Variants in ZC3H13 observed in about 807,000 individuals in gnomAD.
The protein encoded by ZC3H13 is zinc finger CCCH-type containing 13, also known as zinc finger CCCH domain-containing protein 13.
ZC3H13 carries 64 observed loss-of-function variants against 204.1 expected under a neutral mutation model. That is an observed-to-expected ratio of 0.31 (90% CI 0.26 to 0.39). The LOEUF is 0.39. ZC3H13 is among the 10% of genes least tolerant of loss of function. The probability of loss-of-function intolerance (pLI) is 1.00; values close to 1 mark genes in which losing one functional copy is unlikely to be tolerated. For synonymous variants in ZC3H13, 667 were observed against 693.7 expected, an observed-to-expected ratio of 0.96 and a Z score of 0.60; for missense variants, 1,833 against 2,082.7, an observed-to-expected ratio of 0.88 and a Z score of 2.33.
At chr13:45,967,286 A>AT (rs1185622028) in intron 15 of ZC3H13, among the ~76,000 whole-genome samples, 4 of 152,140 alleles carry the variant, frequency 2.6e-5, no homozygotes, top group Admixed American at 2.6e-4. Context: ...TGTGAACCAA[A>AT]TCTGCCTTAA....
chr13:46,040,345 G>A (rs777797522), intron 4 of ZC3H13, among the ~76,000 whole-genome samples: 1 of 152,098 alleles, frequency 6.6e-6, no homozygotes, highest in Non-Finnish European at 1.5e-5. Flanking sequence ...TTACAATTCA[G>A]TAACTTTCAT....
rs148189233 is a variant in ZC3H13, at chr13:45,980,665, A to G, written c.1721-661T>C. Among the ~76,000 whole-genome samples, 757 of 152,358 alleles carry G rather than the reference A, an allele frequency of 5.0e-3. 1 individual carries two copies. Among genetic ancestry groups the G allele is most frequent in the Non-Finnish European group, 6.9e-3 (470 of 68,024 alleles). On this transcript the variant is annotated intron_variant, in intron 10 of 18. Coordinates refer to ENST00000679008, the MANE Select transcript of ZC3H13 (RefSeq NM_001330564.2). ...AAAATTATGCTGAGTGAAAAAGCCA[A>G]TCTCAACAGGATACATATAGCATTA...
chr13:45,958,876 G>C (rs1038247498), intron 18 of ZC3H13, among the ~76,000 whole-genome samples: 5 of 152,000 alleles, frequency 3.3e-5, no homozygotes, highest in Middle Eastern at 3.4e-3. Flanking sequence ...GGATGGTCTC[G>C]ATCTCCTGAC....
intron 5 of ZC3H13, among the ~76,000 whole-genome samples, chr13:46,016,729 G>A (rs1019653796): frequency 2.0e-5 from 3 of 152,140 alleles, no homozygotes; most frequent in South Asian, 2.1e-4. Flanking sequence ...TGAACGTATA[G>A]TATACTTCAG....
At chr13:46,026,527 T>C (rs532719570) in intron 4 of ZC3H13, among the ~76,000 whole-genome samples, 9 of 151,948 alleles carry the variant, frequency 5.9e-5, no homozygotes, top group African/African-American at 1.9e-4. Context: ...TTTTAAAGCA[T>C]GGGTGGAAAA....
Position 45,975,578 on chromosome 13 carries a change from G to A in ZC3H13, c.2173C>T (p.Arg725Cys), listed in dbSNP as rs778492328. ...REREREKERD[R>C]ERDRDRDHDR... ...TGGTCTCGGTCTCTATCCCTTTCAC[G>A]ATCTCTCTCTTTTTCTCTTTCTCTC... Residue 725 changes from arginine (R) to cysteine (C), a missense_variant, in exon 12 of 19, where the codon CGT becomes TGT. Around this residue, in one of 5 missense-constraint regions of ZC3H13, gnomAD observed 1,574 missense variants for 1,757.2 expected, o/e 0.90. Transcript: ENST00000679008. 4.5e-6 allele frequency: 7 copies of A among 1,568,666 alleles called. No homozygotes were observed. The highest frequency in any genetic ancestry group is 3.5e-6 in the Non-Finnish European group (4 of 1,157,954).
At chr13:46,042,402 T>C in intron 3 of ZC3H13, 127 bp from the exon 4 acceptor site, 1 of 590,794 alleles carries the variant, frequency 1.7e-6, no homozygotes, top group Non-Finnish European at 2.7e-6. Flanking sequence ...AATACACTTT[T>C]TCTAACTGAC....
intron 4 of ZC3H13, among the ~76,000 whole-genome samples, chr13:46,025,115 GCTA>G (rs970180193): frequency 1.3e-5 from 2 of 151,778 alleles, no homozygotes; most frequent in South Asian, 2.1e-4. Flanking sequence ...ATTCTCACCT[GCTA>G]CTAATATTCA....
chr13:45,957,274 C>G lies in ZC3H13; in HGVS notation c.4863G>C (p.Thr1621=). 6.5e-6 allele frequency: 10 copies of G among 1,536,022 alleles called. No individual in the cohort carries two copies. Among genetic ancestry groups the G allele is most frequent in the Non-Finnish European group, 7.9e-6 (9 of 1,138,932 alleles). The stretch of plus-strand genomic sequence containing the variant: ...ATTCATTGTCTACCATTGGAGCACT[C>G]GTGTAAGCTTGTTTTATGGTGCCCT... ...NEKGTIKQAY[T]SAPMVDNELL... Residue 1621 remains threonine (T), a synonymous_variant, in exon 19 of 19, where the codon ACG becomes ACC. Transcript: ENST00000679008.
In ZC3H13 at chr13:45,955,103, C is replaced by T. The variant is rs988291267; in HGVS notation, c.*2024G>A. 9 of 152,146 alleles carry T rather than the reference C, an allele frequency of 5.9e-5. No individual in the cohort carries two copies. Among genetic ancestry groups the T allele is most frequent in the Admixed American group, 4.6e-4 (7 of 15,276 alleles). 9.4% of individuals were successfully genotyped at this position (152,146 alleles called of 1,614,324 possible). ...TTATGGCAACTGGACAGACCTGAGC[C>T]GTCAGTTATGAGATAGATGACCTTT... is the stretch of plus-strand genomic sequence containing the variant. On this transcript the variant is annotated 3_prime_UTR_variant, in exon 19 of 19. Transcript: ENST00000679008.
Position 46,000,780 on chromosome 13 carries a change from GTT to G in ZC3H13, c.944+2357_944+2358del, listed in dbSNP as rs202020761. Among the ~76,000 whole-genome samples, 1,512 of 152,252 alleles carry G rather than the reference GTT, an allele frequency of 9.9e-3. 25 individuals are homozygous for G. Among genetic ancestry groups the G allele is most frequent in the African/African-American group, 0.035 (1,433 of 41,536 alleles). On this transcript the variant is annotated intron_variant, in intron 8 of 18. Transcript: ENST00000679008. The stretch of plus-strand genomic sequence containing the variant: ...ACAAGAGATCTAGCTTGCCACCTAA[GTT>G]TTCAGTATGCCTTCCTCACTAAGCT...
chr13:45,979,083 A>G (rs1452703226), intron 11 of ZC3H13, among the ~76,000 whole-genome samples: 1 of 152,122 alleles, frequency 6.6e-6, no homozygotes, highest in East Asian at 1.9e-4. Flanking sequence ...TATTAATCTC[A>G]GCATTATAGT....
chr13:45,969,481 T>C lies in ZC3H13; in HGVS notation c.3063A>G (p.Ala1021=), dbSNP rs751388625. The C allele has an allele frequency of 3.1e-6, 5 of 1,610,290 alleles. No individual in the cohort carries two copies. Among genetic ancestry groups the C allele is most frequent in the Non-Finnish European group, 4.2e-6 (5 of 1,179,064 alleles). The change falls in exon 14 of 19, where the codon GCA becomes GCG. Residue 1021 remains alanine (A), a synonymous_variant. Coordinates refer to ENST00000679008, the MANE Select transcript of ZC3H13 (RefSeq NM_001330564.2). ...KGDSDISDEE[A]AQQSKKKRGP... is the part of the protein sequence containing the mutation. ...CTCTTTTCTTCTTACTTTGCTGGGC[T>C]GCTTCTTCATCAGAAATATCAGAAT...
At chr13:45,988,681 G>T in intron 9 of ZC3H13, 106 bp downstream of exon 9, 1 of 1,262,446 alleles carries the variant, frequency 7.9e-7, no homozygotes, top group Non-Finnish European at 1.1e-6. Flanking sequence ...TCTAGTCTGT[G>T]TGTTACAGAA....
Position 46,011,461 on chromosome 13 carries a change from T to A in ZC3H13, c.542A>T (p.Glu181Val). Residue 181 changes from glutamate to valine, a missense_variant, in exon 6 of 19, where the codon GAA becomes GTA. Physicochemically the swap from Glu to Val is moderately radical, Grantham distance 121. Transcript: ENST00000679008. ...QKIQRELMKL[E>V]QENMEKREEI... ...TTCTCTCTTCTCCATGTTTTCTTGT[T>A]CCAGCTTCATTAATTCCCTCTGTAT... 1 of 1,607,148 alleles carries A rather than the reference T, an allele frequency of 6.2e-7. No homozygotes were observed. Among genetic ancestry groups the A allele is most frequent in the Non-Finnish European group, 8.5e-7 (1 of 1,177,274 alleles).
intron 4 of ZC3H13, among the ~76,000 whole-genome samples, chr13:46,037,460 T>C (rs575352378): frequency 6.6e-6 from 1 of 152,360 alleles, no homozygotes; most frequent in South Asian, 2.1e-4. Flanking sequence ...CAATAAATGC[T>C]TGAATATTCT....
chr13:46,008,176 AAT>A (rs536686490), intron 7 of ZC3H13, among the ~76,000 whole-genome samples: 42 of 152,158 alleles, frequency 2.8e-4, no homozygotes, highest in African/African-American at 8.4e-4. Context: ...CACTGGTTAA[AAT>A]ACTCCACTGA....
At chr13:46,027,291 G>A (rs755000128) in intron 4 of ZC3H13, among the ~76,000 whole-genome samples, 1 of 152,060 alleles carries the variant, frequency 6.6e-6, no homozygotes, top group Non-Finnish European at 1.5e-5. Flanking sequence ...GTTTTGTAGA[G>A]ATGGGAGTTT....
At chr13:46,005,349 C>T (rs1348784365) in intron 7 of ZC3H13, among the ~76,000 whole-genome samples, 1 of 152,182 alleles carries the variant, frequency 6.6e-6, no homozygotes, top group African/African-American at 2.4e-5. Flanking sequence ...TTGGATCTCT[C>T]CTCCATGTTA....
Sources: allele counts gnomAD v4.1 joint callset (sites outside exome capture counted in the v4.1 genomes callset), GRCh38; gene constraint gnomAD v4.1.1; regional missense constraint gnomAD v4.1.1; transcripts MANE v1.5; gene names NCBI Gene and HGNC (gene_info 2026-07-23, HGNC 2026-07-21).